Variants in CFH observed in about 807,000 individuals in gnomAD.
The protein encoded by CFH is H factor 1 (complement).
In CFH, 53 loss-of-function variants were observed where a neutral mutation model predicts 147.3. That is an observed-to-expected ratio of 0.36 (90% CI 0.29 to 0.45). The LOEUF (loss-of-function observed/expected upper bound fraction) is 0.45, where lower values mean the gene tolerates loss of function less well. CFH is among the 20% of genes least tolerant of loss of function. CFH has a pLI of 1.00. For synonymous variants in CFH, 536 were observed against 489.4 expected, an observed-to-expected ratio of 1.10 and a Z score of -1.26; for missense variants, 1,380 against 1,498.0, an observed-to-expected ratio of 0.92 and a Z score of 1.30.
intron 15 of CFH, among the ~76,000 whole-genome samples, chr1:196,733,903 C>G (rs1323706153): frequency 4.6e-5 from 7 of 152,042 alleles, no homozygotes; most frequent in African/African-American, 1.7e-4. Context: ...CATAAAACTT[C>G]TCGGGAGAAA....
At chr1:196,698,414 C>A (rs1020445356) in intron 9 of CFH, among the ~76,000 whole-genome samples, 3 of 152,080 alleles carry the variant, frequency 2.0e-5, no homozygotes, top group Non-Finnish European at 4.4e-5. Context: ...CAGAGAAATA[C>A]AAACTACCAT....
intron 1 of CFH, among the ~76,000 whole-genome samples, chr1:196,669,975 C>T (rs1279379194): frequency 1.3e-5 from 2 of 152,178 alleles, no homozygotes; most frequent in African/African-American, 4.8e-5. Flanking sequence ...TGGGAGCTCA[C>T]CTCTTGCATC....
At chr1:196,714,664 TATATAGAG>T (rs1452764669) in intron 10 of CFH, among the ~76,000 whole-genome samples, 62 of 31,784 alleles carry the variant, frequency 2.0e-3, no homozygotes, top group African/African-American at 7.0e-3. Flanking sequence ...TATATATATA[TATATAGAG>T]AGAGAGAGAG....
rs1668553607 is a variant in CFH at position 196,705,082 on chromosome 1, A to G, written c.1337-8653A>G. Among the ~76,000 whole-genome samples, 2 of 152,222 alleles carry G rather than the reference A, an allele frequency of 1.3e-5. 1 individual carries two copies. The highest frequency in any genetic ancestry group is 4.1e-4 in the South Asian group (2 of 4,836). On this transcript the variant is annotated intron_variant, in intron 9 of 21. Coordinates refer to ENST00000367429, the MANE Select transcript of CFH (RefSeq NM_000186.4). ...CTCACTAACCGTCCGGGGGAAATAC[A>G]TGCTAAGGAGTTTTGGGACCTCCAA...
At chr1:196,731,816 A>G (rs1174502737) in intron 15 of CFH, among the ~76,000 whole-genome samples, 1 of 151,920 alleles carries the variant, frequency 6.6e-6, no homozygotes, top group Non-Finnish European at 1.5e-5. Context: ...ATATCATTCC[A>G]CTTCCTTATG....
At chr1:196,726,396 C>A in intron 12 of CFH, 74 bp from the exon 13 acceptor site, 1 of 1,161,496 alleles carries the variant, frequency 8.6e-7, no homozygotes, top group African/African-American at 1.5e-5. Context: ...AGAAGAAAAT[C>A]TTTCCATTTT....
At chr1:196,664,032 T>C (rs2149071626) in intron 1 of CFH, among the ~76,000 whole-genome samples, 1 of 152,022 alleles carries the variant, frequency 6.6e-6, no homozygotes, top group East Asian at 1.9e-4. Context: ...TCTATGAAAG[T>C]ATTTATTTCA....
At chr1:196,700,653 CAA>C (rs550520235) in intron 9 of CFH, among the ~76,000 whole-genome samples, 7 of 96,418 alleles carry the variant, frequency 7.3e-5, no homozygotes, top group Non-Finnish European at 4.5e-5. Flanking sequence ...GATTCCGTCT[CAA>C]AAAAAAAAAA....
chr1:196,699,951 T>C (rs1357738071), intron 9 of CFH, among the ~76,000 whole-genome samples: 1 of 152,190 alleles, frequency 6.6e-6, no homozygotes, highest in Non-Finnish European at 1.5e-5. Context: ...TCTTTGTCAC[T>C]AGAATCTTTG....
At chr1:196,739,634 G>C (rs890033614) in intron 17 of CFH, among the ~76,000 whole-genome samples, 3 of 152,116 alleles carry the variant, frequency 2.0e-5, no homozygotes, top group African/African-American at 7.2e-5. Flanking sequence ...AAGCCTCTAG[G>C]AAGTGCCAAA....
At chr1:196,658,928 T>C (rs1465406912) in intron 1 of CFH, among the ~76,000 whole-genome samples, 1 of 152,200 alleles carries the variant, frequency 6.6e-6, no homozygotes, top group Non-Finnish European at 1.5e-5. Flanking sequence ...ACCAATGTAG[T>C]GTTTTGTAAA....
At chr1:196,727,067 C>A in intron 14 of CFH, 127 bp downstream of exon 14, 6 of 770,604 alleles carry the variant, frequency 7.8e-6, no homozygotes, top group Non-Finnish European at 1.3e-5. Flanking sequence ...AATATGAGAC[C>A]AATCTTTTGC....
At chr1:196,663,684 G>C (rs1666981163) in intron 1 of CFH, among the ~76,000 whole-genome samples, 1 of 151,906 alleles carries the variant, frequency 6.6e-6, no homozygotes, top group African/African-American at 2.4e-5. Flanking sequence ...ATCTTTTCTG[G>C]GTGGCTAGAA....
chr1:196,670,081 C>A (rs1473680741), intron 1 of CFH, among the ~76,000 whole-genome samples: 1 of 152,132 alleles, frequency 6.6e-6, no homozygotes, highest in Non-Finnish European at 1.5e-5. Flanking sequence ...TTTCATGGAG[C>A]CTTTGGTCCC....
chr1:196,689,914 A>G, intron 8 of CFH, 149 bp from the exon 9 acceptor site: 1 of 941,834 alleles, frequency 1.1e-6, no homozygotes, highest in Admixed American at 3.0e-5. Context: ...AACCTTTGTT[A>G]GTAACTTTAG....
rs1397169050 is a variant in CFH at position 196,726,522 on chromosome 1, G to A, written c.1926G>A (p.Lys642=). The A allele has an allele frequency of 6.2e-7, 1 of 1,613,054 alleles. No homozygotes were observed. The highest frequency in any genetic ancestry group is 8.5e-7 in the Non-Finnish European group (1 of 1,179,348). ...PPPELLNGNV[K]EKTKEEYGHS... is the part of the protein sequence containing the mutation. ...CTGAACTCCTCAATGGGAATGTTAA[G>A]GAAAAAACGAAAGAAGAATATGGAC... The change falls in exon 13 of 22, where the codon AAG becomes AAA. Residue 642 remains lysine (K), a synonymous_variant. Coordinates refer to ENST00000367429, the MANE Select transcript of CFH (RefSeq NM_000186.4).
rs558103937 is a variant in CFH, at chr1:196,713,525, G to C, written c.1337-210G>C. On this transcript the variant is annotated intron_variant, in intron 9 of 21. Transcript: ENST00000367429. ...AATAATTGTAAGTGTCTTAAATAGAGCCTTGTTTTAAAAAGTGATGAAGAG... is the reference window on the plus strand; with the variant it reads ...AATAATTGTAAGTGTCTTAAATAGACCCTTGTTTTAAAAAGTGATGAAGAG... Among the ~76,000 whole-genome samples, 279 of 152,158 alleles carry C rather than the reference G, an allele frequency of 1.8e-3. 1 individual carries two copies. Among genetic ancestry groups the C allele is most frequent in the African/African-American group, 6.4e-3 (264 of 41,530 alleles).
chr1:196,656,460 A>G (rs1473653848), intron 1 of CFH, among the ~76,000 whole-genome samples: 1 of 152,158 alleles, frequency 6.6e-6, no homozygotes, highest in Non-Finnish European at 1.5e-5. Flanking sequence ...GGTTCTTGCA[A>G]CAGAGTTTTA....
chr1:196,739,593 A>G (rs913371173), intron 17 of CFH, among the ~76,000 whole-genome samples: 1 of 152,094 alleles, frequency 6.6e-6, no homozygotes, highest in African/African-American at 2.4e-5. Context: ...TGTCCATATC[A>G]CTGTGAGTAT....
Sources: allele counts gnomAD v4.1 joint callset (sites outside exome capture counted in the v4.1 genomes callset), GRCh38; gene constraint gnomAD v4.1.1; transcripts MANE v1.5; gene names NCBI Gene and HGNC (gene_info 2026-07-23, HGNC 2026-07-21).